Variants in ZC3H7A observed in about 807,000 individuals in gnomAD.
ZC3H7A encodes zinc finger CCCH domain-containing protein 7A.
A neutral mutation model predicts 125.5 loss-of-function variants in ZC3H7A; 44 were observed. The ratio of observed to expected loss-of-function variants is 0.35; its 90% CI spans 0.28 to 0.45. The LOEUF (loss-of-function observed/expected upper bound fraction) is 0.45. Ranked by LOEUF, ZC3H7A falls within the 20% of genes least tolerant of loss-of-function variation. The pLI is 1.00. For missense variants in ZC3H7A, 977 were observed against 1,170.7 expected (o/e 0.83, Z 2.41); for synonymous variants, 399 against 391.2 (o/e 1.02, Z -0.23).
intron 1 of ZC3H7A, chr16:11,782,813 C>T (rs896116463): frequency 1.3e-5 from 2 of 158,174 alleles, no homozygotes; most frequent in African/African-American, 4.8e-5. Flanking sequence ...CAGGGTTTCA[C>T]CTTACTGGTC....
intron 1 of ZC3H7A, among the ~76,000 whole-genome samples, chr16:11,795,137 T>A (rs905343979): frequency 6.6e-6 from 1 of 151,986 alleles, no homozygotes; most frequent in Admixed American, 6.6e-5. Context: ...ATAGGGAAAA[T>A]TTTTCAACAG....
At chr16:11,758,405 A>C in intron 20 of ZC3H7A, 26 bp downstream of exon 20, 1 of 1,548,058 alleles carries the variant, frequency 6.5e-7, no homozygotes, top group Non-Finnish European at 8.9e-7. Context: ...AGCTAGCTCA[A>C]GGACACAGCT....
intron 9 of ZC3H7A, 22 bp downstream of exon 9, chr16:11,774,214 C>A: frequency 1.3e-6 from 2 of 1,506,018 alleles, no homozygotes; most frequent in Non-Finnish European, 1.8e-6. Flanking sequence ...TCAGAAGAAA[C>A]TTGAGTAACA....
chr16:11,774,572 A>G, intron 8 of ZC3H7A, 53 bp from the exon 9 acceptor site: 1 of 1,462,064 alleles, frequency 6.8e-7, no homozygotes, highest in Non-Finnish European at 9.1e-7. Flanking sequence ...TTACATAATA[A>G]TACCATTAAT....
Position 11,763,114 on chromosome 16 carries a change from T to G in ZC3H7A, c.2002+364A>C, listed in dbSNP as rs925161522. The G allele has an allele frequency of 4.3e-5, 7 of 161,902 alleles. No individual in the cohort carries two copies. The Admixed American group carries it at 4.7e-4, about 11-fold the overall frequency. The allele number at this position is 161,902 out of a possible 1,614,324, so 10.0% of individuals were successfully genotyped here. ...GGGGAGGTCTCCAAATTCCTTTTTG[T>G]TTTTTTTTTTTTTGAGACAGTCTCA... On this transcript the variant is annotated intron_variant, in intron 16 of 22. Transcript: ENST00000355758.
intron 11 of ZC3H7A, among the ~76,000 whole-genome samples, chr16:11,768,762 C>T (rs2052914801): frequency 6.6e-6 from 1 of 152,134 alleles, no homozygotes; most frequent in Admixed American, 6.6e-5. Flanking sequence ...ACACGCTTTA[C>T]ATGCCCCGAT....
chr16:11,778,226 C>A (rs1265591243), intron 4 of ZC3H7A, among the ~76,000 whole-genome samples: 1 of 151,678 alleles, frequency 6.6e-6, no homozygotes, highest in East Asian at 1.9e-4. Context: ...TGCCTGAATT[C>A]AGGAGATCGA....
At chr16:11,751,552 A>G (rs1285713044) in intron 22 of ZC3H7A, 46 bp from the exon 23 acceptor site, 2 of 1,557,762 alleles carry the variant, frequency 1.3e-6, no homozygotes, top group Admixed American at 2.0e-5. Flanking sequence ...AGTTGTTTCT[A>G]AAAATCGTGT....
intron 1 of ZC3H7A, among the ~76,000 whole-genome samples, chr16:11,790,420 T>C (rs2053330374): frequency 6.6e-6 from 1 of 152,240 alleles, no homozygotes; most frequent in Non-Finnish European, 1.5e-5. Context: ...TACTTATTTA[T>C]GGAAGCTCTT....
Position 11,779,157 on chromosome 16 carries a change from A to G in ZC3H7A, c.306+9T>C, listed in dbSNP as rs1414829624. The G allele has an allele frequency of 2.5e-6, 4 of 1,570,800 alleles. No individual in the cohort carries two copies. In the Admixed American group the frequency reaches 7.2e-5, roughly 28 times the overall value. ...CTCTAGAAACATCATTTTAAAAATTACAACTCACCATATTAGAATAGCAGG... is the reference window on the plus strand; with the variant it reads ...CTCTAGAAACATCATTTTAAAAATTGCAACTCACCATATTAGAATAGCAGG... On this transcript the variant is annotated intron_variant, in intron 4 of 22. Coordinates refer to ENST00000355758, the MANE Select transcript of ZC3H7A (RefSeq NM_014153.4).
chr16:11,787,583 T>G (rs1407462852), intron 1 of ZC3H7A, among the ~76,000 whole-genome samples: 5 of 152,162 alleles, frequency 3.3e-5, no homozygotes, highest in African/African-American at 1.2e-4. Flanking sequence ...CTCATCAGCC[T>G]CCTGAGTAGC....
At chr16:11,764,097 C>T (rs2052810399) in intron 15 of ZC3H7A, among the ~76,000 whole-genome samples, 2 of 151,980 alleles carry the variant, frequency 1.3e-5, no homozygotes, top group Admixed American at 1.3e-4. Context: ...CCCAGCCCTA[C>T]ATTTTAAATT....
At chr16:11,785,575 G>C (rs1454380683) in intron 1 of ZC3H7A, among the ~76,000 whole-genome samples, 3 of 142,820 alleles carry the variant, frequency 2.1e-5, no homozygotes, top group African/African-American at 7.7e-5. Context: ...GAAATTATAG[G>C]AAAAAAAAAA....
intron 1 of ZC3H7A, chr16:11,796,476 G>A (rs2053438649): frequency 6.5e-6 from 1 of 152,712 alleles, no homozygotes; most frequent in African/African-American, 2.4e-5. Context: ...TCCCGACTCA[G>A]GCTCGACCTC....
chr16:11,774,576 C>A (rs1235773958), intron 8 of ZC3H7A, 57 bp from the exon 9 acceptor site: 32 of 1,440,952 alleles, frequency 2.2e-5, no homozygotes, highest in Non-Finnish European at 2.6e-5. Context: ...ATAATAATAC[C>A]ATTAATCCCC....
intron 1 of ZC3H7A, among the ~76,000 whole-genome samples, chr16:11,788,535 T>C (rs1029506114): frequency 6.6e-6 from 1 of 152,134 alleles, no homozygotes; most frequent in Non-Finnish European, 1.5e-5. Flanking sequence ...TTCCGCCCGT[T>C]TGCCCTCCTG....
At chr16:11,756,549 G>A (rs1439488172) in intron 20 of ZC3H7A, among the ~76,000 whole-genome samples, 179 bp from the exon 21 acceptor site, 8 of 152,268 alleles carry the variant, frequency 5.3e-5, no homozygotes, top group South Asian at 4.1e-4. Flanking sequence ...AAACTCTCAC[G>A]CATAAGAACT....
At chr16:11,780,710 A>C (rs2053160844) in intron 3 of ZC3H7A, among the ~76,000 whole-genome samples, 1 of 152,176 alleles carries the variant, frequency 6.6e-6, no homozygotes, top group Admixed American at 6.5e-5. Context: ...AGAGAGAAGA[A>C]AAGGGGAGGA....
Position 11,756,413 on chromosome 16 carries a change from C to A in ZC3H7A, c.2429-43G>T, listed in dbSNP as rs767479127. The stretch of plus-strand genomic sequence containing the variant: ...ACTTTCAGCAGCAGCAACTAAACTC[C>A]ATTTAAATACATGCAACTATGTGCA... On this transcript the variant is annotated intron_variant, in intron 20 of 22. Coordinates refer to ENST00000355758, the MANE Select transcript of ZC3H7A (RefSeq NM_014153.4). The A allele has an allele frequency of 1.5e-5, 24 of 1,596,768 alleles. No homozygotes were observed. In the Admixed American group the frequency reaches 4.1e-4, roughly 27 times the overall value.
Sources: allele counts gnomAD v4.1 joint callset (sites outside exome capture counted in the v4.1 genomes callset), GRCh38; gene constraint gnomAD v4.1.1; transcripts MANE v1.5; gene names NCBI Gene and HGNC (gene_info 2026-07-23, HGNC 2026-07-21).